Variants in DENND5B observed in about 807,000 individuals in gnomAD.
The protein encoded by DENND5B is DENN domain containing 5B.
In DENND5B, 34 loss-of-function variants were observed where a neutral mutation model predicts 140.6. The observed-to-expected ratio is 0.24, with a 90% CI of 0.18 to 0.32. The LOEUF is 0.32. DENND5B is among the 10% of genes least tolerant of loss of function. The probability of loss-of-function intolerance (pLI) is 1.00; values close to 1 mark genes in which losing one functional copy is unlikely to be tolerated. For synonymous variants in DENND5B, 551 were observed against 562.1 expected, an observed-to-expected ratio of 0.98 and a Z score of 0.28; for missense variants, 1,142 against 1,560.2, an observed-to-expected ratio of 0.73 and a Z score of 4.52.
chr12:31,527,946 A>AATTAAAAACAGTCAGTGTC, intron 1 of DENND5B, among the ~76,000 whole-genome samples: 1 of 100,220 alleles, frequency 1.0e-5, no homozygotes, highest in Non-Finnish European at 2.0e-5. Flanking sequence ...AGACTCTTTA[A>AATTAAAAACAGTCAGTGTC]ATTAAAAACA....
At chr12:31,493,873 T>C (rs1946628461) in intron 2 of DENND5B, among the ~76,000 whole-genome samples, 1 of 152,142 alleles carries the variant, frequency 6.6e-6, no homozygotes, top group South Asian at 2.1e-4. Flanking sequence ...AAAATAGCAA[T>C]GGCTATCACT....
At chr12:31,565,615 T>G (rs1041957082) in intron 1 of DENND5B, among the ~76,000 whole-genome samples, 9 of 152,214 alleles carry the variant, frequency 5.9e-5, no homozygotes, top group Admixed American at 5.2e-4. Flanking sequence ...TTTAAGTATA[T>G]AAATGCCCTG....
intron 1 of DENND5B, among the ~76,000 whole-genome samples, chr12:31,561,879 T>C (rs1949487052): frequency 6.6e-6 from 1 of 152,210 alleles, no homozygotes; most frequent in South Asian, 2.1e-4. Context: ...AATGGCTATA[T>C]ATTCTGGAAC....
intron 1 of DENND5B, among the ~76,000 whole-genome samples, chr12:31,498,577 G>C (rs1019812860): frequency 5.3e-5 from 8 of 152,124 alleles, no homozygotes; most frequent in African/African-American, 2.4e-5. Context: ...GGGGTAACAG[G>C]AAAGATCATT....
At chr12:31,456,477 A>C (rs1350739741) in intron 4 of DENND5B, among the ~76,000 whole-genome samples, 1 of 152,102 alleles carries the variant, frequency 6.6e-6, no homozygotes, top group African/African-American at 2.4e-5. Flanking sequence ...CATTCCTCTT[A>C]CTGACTTACT....
intron 15 of DENND5B, among the ~76,000 whole-genome samples, chr12:31,401,122 C>T (rs2043262): frequency 0.1 from 15,492 of 152,144 alleles, 1,042 homozygotes; most frequent in East Asian, 0.25. Flanking sequence ...GGATTACAGG[C>T]GTGAGCCACT....
intron 2 of DENND5B, among the ~76,000 whole-genome samples, chr12:31,488,508 AGAAT>A (rs1253064444): frequency 2.0e-5 from 3 of 152,242 alleles, no homozygotes; most frequent in African/African-American, 7.2e-5. Context: ...CTCAAAGTGA[AGAAT>A]GGCTTTCTAT....
chr12:31,420,052 G>A (rs1040716942), intron 11 of DENND5B: 2 of 983,392 alleles, frequency 2.0e-6, no homozygotes, highest in Admixed American at 1.2e-4. Context: ...CCTACCCCCT[G>A]CCAAAATCCA....
chr12:31,485,254 G>C (rs1324351072), intron 2 of DENND5B, among the ~76,000 whole-genome samples: 2 of 152,210 alleles, frequency 1.3e-5, no homozygotes, highest in South Asian at 4.1e-4. Context: ...GGGCTATGCA[G>C]TCATGCCTCA....
intron 1 of DENND5B, among the ~76,000 whole-genome samples, chr12:31,579,001 G>A (rs182560352): frequency 1.3e-5 from 2 of 152,258 alleles, no homozygotes; most frequent in African/African-American, 4.8e-5. Context: ...TAGAATAAGG[G>A]TGACTTCCTG....
At chr12:31,514,292 T>TA (rs1947537522) in intron 1 of DENND5B, among the ~76,000 whole-genome samples, 1 of 152,226 alleles carries the variant, frequency 6.6e-6, no homozygotes, top group Non-Finnish European at 1.5e-5. Flanking sequence ...TAGGCTATGC[T>TA]ACCTAGTTTT....
intron 1 of DENND5B, among the ~76,000 whole-genome samples, chr12:31,501,883 G>A (rs1442442484): frequency 3.3e-5 from 5 of 152,070 alleles, no homozygotes; most frequent in Non-Finnish European, 7.4e-5. Flanking sequence ...CATACTACGA[G>A]AGGTTAATGA....
intron 4 of DENND5B, among the ~76,000 whole-genome samples, chr12:31,454,261 C>T (rs893941783): frequency 3.3e-5 from 5 of 152,042 alleles, no homozygotes; most frequent in South Asian, 2.1e-4. Flanking sequence ...ATGAAGAAAC[C>T]GAGGCCCAAG....
chr12:31,494,185 C>CT (rs1448867480), intron 2 of DENND5B, among the ~76,000 whole-genome samples: 2,606 of 68,720 alleles, frequency 0.038, 35 homozygotes, highest in African/African-American at 0.064. Flanking sequence ...TCTATCTATC[C>CT]ATCCATCCAT....
intron 1 of DENND5B, among the ~76,000 whole-genome samples, chr12:31,530,143 C>T (rs532335182): frequency 6.6e-6 from 1 of 152,154 alleles, no homozygotes; most frequent in East Asian, 1.9e-4. Context: ...GAGGCAGCGG[C>T]GGGCAGATCA....
chr12:31,562,791 T>A (rs1373192291), intron 1 of DENND5B, among the ~76,000 whole-genome samples: 1 of 152,200 alleles, frequency 6.6e-6, no homozygotes, highest in Non-Finnish European at 1.5e-5. Context: ...TGCTCTGTAA[T>A]AACTTTAATT....
chr12:31,565,757 A>G (rs1271512620), intron 1 of DENND5B, among the ~76,000 whole-genome samples: 1 of 152,206 alleles, frequency 6.6e-6, no homozygotes, highest in Non-Finnish European at 1.5e-5. Context: ...TAATTCTGCC[A>G]CTAGCAATGC....
intron 1 of DENND5B, among the ~76,000 whole-genome samples, chr12:31,500,115 T>A (rs778547989): frequency 9.2e-5 from 14 of 152,246 alleles, no homozygotes; most frequent in African/African-American, 1.9e-4. Flanking sequence ...TTGAGCATCC[T>A]TAATTAGAAA....
In DENND5B at chr12:31,407,215, C is replaced by T. The variant is rs561616051; in HGVS notation, c.2803+2048G>A. 2.0e-5 allele frequency among the ~76,000 whole-genome samples: 3 copies of T among 152,256 alleles called. No homozygotes were observed. In the East Asian group the frequency reaches 5.8e-4, roughly 29 times the overall value. ...GCGCAATCTCGGCTGACTGCAACCT[C>T]CGCCTCCCGGGTTCAAGCAATTCTC... On this transcript the variant is annotated intron_variant, in intron 14 of 20. Transcript: ENST00000389082.
Sources: allele counts gnomAD v4.1 joint callset (sites outside exome capture counted in the v4.1 genomes callset), GRCh38; gene constraint gnomAD v4.1.1; transcripts MANE v1.5; gene names NCBI Gene and HGNC (gene_info 2026-07-23, HGNC 2026-07-21).